Variants in TCF4 observed in about 807,000 individuals in gnomAD.
TCF4 encodes transcription factor 4.
Under a neutral mutation model 82.1 loss-of-function variants are expected in TCF4, and 3 were observed. The observed-to-expected ratio is 0.04, with a 90% CI of 0.02 to 0.09. The LOEUF (loss-of-function observed/expected upper bound fraction) is 0.09, where lower values mean the gene tolerates loss of function less well. Among genes scored for constraint, TCF4 ranks in the 10% least tolerant of loss-of-function variants. TCF4 has a pLI of 1.00. For missense variants in TCF4, 518 were observed against 852.7 expected (o/e 0.61, Z 4.89); for synonymous variants, 276 against 309.6 (o/e 0.89, Z 1.14).
At chr18:55,419,253 C>T (rs1317796111) in intron 5 of TCF4, among the ~76,000 whole-genome samples, 1 of 152,124 alleles carries the variant, frequency 6.6e-6, no homozygotes, top group African/African-American at 2.4e-5. Flanking sequence ...AAAGATCTGA[C>T]ATTCAAATCA....
intron 8 of TCF4, among the ~76,000 whole-genome samples, chr18:55,309,437 A>C (rs1008082238): frequency 1.3e-5 from 2 of 152,102 alleles, no homozygotes; most frequent in African/African-American, 4.8e-5. Context: ...TTGAATGTTA[A>C]TAGCCACATG....
At chr18:55,440,844 G>C (rs935579607) in intron 5 of TCF4, among the ~76,000 whole-genome samples, 1 of 152,130 alleles carries the variant, frequency 6.6e-6, no homozygotes, top group African/African-American at 2.4e-5. Context: ...CTTACTGTGT[G>C]TCTATTCTTA....
intron 5 of TCF4, among the ~76,000 whole-genome samples, chr18:55,442,192 A>G (rs1171826508): frequency 6.6e-6 from 1 of 152,216 alleles, no homozygotes; most frequent in East Asian, 1.9e-4. Context: ...CAAAAAAACT[A>G]TCTTGGCTAT....
Position 55,464,082 on chromosome 18 carries a change from C to T in TCF4, c.201G>A (p.Pro67=), listed in dbSNP as rs775657966. 20 of 1,613,598 alleles carry T rather than the reference C, an allele frequency of 1.2e-5. No homozygotes were observed. The highest frequency in any genetic ancestry group is 3.3e-5 in the South Asian group (3 of 91,070). Residue 67 remains proline, a synonymous_variant, in exon 4 of 20, where the codon CCG becomes CCA. Transcript: ENST00000354452. ...GSWGNGGHPS[P]SRNYGDGTPY... The stretch of plus-strand genomic sequence containing the variant: ...AAAGATTAGATATACTTACCCTGGA[C>T]GGGCTTGGATGTCCTCCATTCCCCC...
At chr18:55,460,087 T>A (rs2095844433) in intron 5 of TCF4, among the ~76,000 whole-genome samples, 1 of 152,200 alleles carries the variant, frequency 6.6e-6, no homozygotes, top group South Asian at 2.1e-4. Context: ...GCATTTGCAG[T>A]TATGGTCTCA....
chr18:55,228,181 T>C (rs200487460), intron 19 of TCF4, 40 bp downstream of exon 19: 2 of 1,613,732 alleles, frequency 1.2e-6, no homozygotes, highest in East Asian at 4.5e-5. Context: ...GATGAGAGTT[T>C]TGAATGATCG....
chr18:55,582,656 T>C (rs1286292880), intron 3 of TCF4, among the ~76,000 whole-genome samples: 2 of 152,182 alleles, frequency 1.3e-5, no homozygotes, highest in African/African-American at 2.4e-5. Context: ...TATTCTCACA[T>C]TGCAAATCAC....
At chr18:55,562,400 G>T (rs1467981124) in intron 3 of TCF4, among the ~76,000 whole-genome samples, 2 of 152,148 alleles carry the variant, frequency 1.3e-5, no homozygotes, top group Non-Finnish European at 2.9e-5. Context: ...TTAGCATGAG[G>T]CTTTTTTAGC....
chr18:55,618,549 T>G (rs904798368), intron 2 of TCF4, among the ~76,000 whole-genome samples: 13 of 152,038 alleles, frequency 8.6e-5, no homozygotes, highest in African/African-American at 3.1e-4. Context: ...TCAATTTCAT[T>G]GGTATTTTTC....
intron 3 of TCF4, among the ~76,000 whole-genome samples, chr18:55,557,687 T>G (rs976557757): frequency 1.3e-5 from 2 of 152,130 alleles, no homozygotes; most frequent in Non-Finnish European, 2.9e-5. Context: ...TACAAAAAGT[T>G]ATCTATTTGG....
intron 5 of TCF4, among the ~76,000 whole-genome samples, chr18:55,431,642 T>C (rs2095200128): frequency 6.6e-6 from 1 of 152,130 alleles, no homozygotes; most frequent in Non-Finnish European, 1.5e-5. Flanking sequence ...GGGCTTTGTA[T>C]TTCTGACTGA....
chr18:55,253,584 G>A (rs976291674), intron 15 of TCF4, among the ~76,000 whole-genome samples: 2 of 151,918 alleles, frequency 1.3e-5, no homozygotes, highest in Non-Finnish European at 2.9e-5. Flanking sequence ...CAAAAGTAAT[G>A]AGGAAAAAAA....
intron 8 of TCF4, among the ~76,000 whole-genome samples, chr18:55,317,171 T>C (rs186613857): frequency 0.011 from 1,642 of 152,052 alleles, 38 homozygotes; most frequent in African/African-American, 0.037. Context: ...TATTTTTAAA[T>C]GGGTAAATTA....
At chr18:55,417,337 C>T (rs967558534) in intron 5 of TCF4, among the ~76,000 whole-genome samples, 2 of 152,126 alleles carry the variant, frequency 1.3e-5, no homozygotes, top group Admixed American at 6.5e-5. Flanking sequence ...ATTTTTAAAA[C>T]GTCTTCAAGA....
At chr18:55,242,173 A>T (rs547058250) in intron 15 of TCF4, among the ~76,000 whole-genome samples, 19 of 152,000 alleles carry the variant, frequency 1.3e-4, no homozygotes, top group Non-Finnish European at 2.2e-4. Flanking sequence ...ATCTCCAGAA[A>T]TCTCCACTTT....
intron 4 of TCF4, among the ~76,000 whole-genome samples, chr18:55,462,367 A>G (rs2095883488): frequency 6.6e-6 from 1 of 152,144 alleles, no homozygotes; most frequent in Non-Finnish European, 1.5e-5. Flanking sequence ...TATATTATCT[A>G]ATTTAATCCT....
At chr18:55,233,169 A>G (rs1211126999) in intron 16 of TCF4, among the ~76,000 whole-genome samples, 1 of 152,240 alleles carries the variant, frequency 6.6e-6, no homozygotes, top group Non-Finnish European at 1.5e-5. Flanking sequence ...GCATTTTAAA[A>G]TGGTACATAT....
At chr18:55,379,318 T>C (rs763165702) in intron 6 of TCF4, among the ~76,000 whole-genome samples, 26 of 152,204 alleles carry the variant, frequency 1.7e-4, no homozygotes, top group Non-Finnish European at 3.4e-4. Context: ...AACAAGCCCA[T>C]TGAGCAGGTT....
intron 3 of TCF4, among the ~76,000 whole-genome samples, chr18:55,572,338 T>C (rs1387229940): frequency 2.0e-5 from 3 of 152,188 alleles, no homozygotes; most frequent in Admixed American, 1.3e-4. Flanking sequence ...AATGGTGATA[T>C]TTTTCCTAAA....
Sources: gnomAD v4.1 joint callset for allele counts (sites outside exome capture counted in the v4.1 genomes callset) on GRCh38, gnomAD v4.1.1 for gene constraint, MANE v1.5 for transcripts, NCBI Gene and HGNC (gene_info 2026-07-23, HGNC 2026-07-21) for gene names.